Variants in C8B observed in about 807,000 individuals in gnomAD.
C8B encodes the protein complement component C8 beta chain.
Under a neutral mutation model 64.6 loss-of-function variants are expected in C8B, and 67 were observed. The ratio of observed to expected loss-of-function variants is 1.04; its 90% confidence interval spans 0.85 to 1.27. The LOEUF (loss-of-function observed/expected upper bound fraction) is 1.27, where lower values mean the gene tolerates loss of function less well. Among genes scored for constraint, C8B ranks in the 50% most tolerant of loss-of-function variants. The pLI is 0.00. For missense variants in C8B, 790 were observed against 725.2 expected (o/e 1.09, Z -1.03); for synonymous variants, 284 against 257.7 (o/e 1.10, Z -0.98).
At chr1:56,944,267 G>C (rs936686256) in intron 7 of C8B, among the ~76,000 whole-genome samples, 1 of 152,126 alleles carries the variant, frequency 6.6e-6, no homozygotes, top group African/African-American at 2.4e-5. Flanking sequence ...GTAAGGCATA[G>C]TATCTGGCAA....
chr1:56,956,766 T>C lies in C8B; in HGVS notation c.391+3A>G, dbSNP rs1436997097. On this transcript the variant is annotated splice_donor_region_variant and intron_variant, in intron 3 of 11. Transcript: ENST00000371237. ...CCCCTCTTACTCCTACATTGATTTATACCTGTCTGTGCACACACAAAGCCT... is the reference window on the plus strand; with the variant it reads ...CCCCTCTTACTCCTACATTGATTTACACCTGTCTGTGCACACACAAAGCCT... 2 of 1,613,918 alleles carry C rather than the reference T, an allele frequency of 1.2e-6. No homozygotes were observed. The highest frequency in any genetic ancestry group is 1.7e-5 in the Admixed American group (1 of 60,014).
intron 9 of C8B, among the ~76,000 whole-genome samples, chr1:56,934,953 T>C (rs1251407622): frequency 6.6e-6 from 1 of 152,152 alleles, no homozygotes; most frequent in Non-Finnish European, 1.5e-5. Context: ...GCAGAGGAAA[T>C]CAGAGGACAA....
At chr1:56,958,992 G>C (rs1557743073) in intron 2 of C8B, among the ~76,000 whole-genome samples, 1 of 152,180 alleles carries the variant, frequency 6.6e-6, no homozygotes, top group Non-Finnish European at 1.5e-5. Context: ...GCCCTCCTAT[G>C]ACCAAGGAGG....
In C8B at chr1:56,949,579, C is replaced by T. The variant is rs769763661; in HGVS notation, c.840G>A (p.Arg280=). The change falls in exon 6 of 12, where the codon AGG becomes AGA. Residue 280 remains arginine, a synonymous_variant. Transcript: ENST00000371237. ...SQSDRGKHYI[R]RTKRFSHTKS... is the part of the protein sequence containing the mutation. ...CAGTATGAGAGAATCGTTTGGTTCT[C>T]CTAATATAGTGTTTGCCTCGATCAC... is the stretch of plus-strand genomic sequence containing the variant. The T allele has an allele frequency of 6.2e-6, 10 of 1,613,828 alleles. No homozygotes were observed. In the East Asian group the frequency reaches 1.8e-4, roughly 29 times the overall value.
chr1:56,952,882 G>A (rs992016414), intron 4 of C8B, among the ~76,000 whole-genome samples: 4 of 152,160 alleles, frequency 2.6e-5, no homozygotes, highest in African/African-American at 7.2e-5. Context: ...AACACTACTT[G>A]GTCCGCGATA....
chr1:56,958,564 A>G (rs1336523523), intron 2 of C8B, among the ~76,000 whole-genome samples: 6 of 152,004 alleles, frequency 3.9e-5, no homozygotes, highest in Admixed American at 3.3e-4. Context: ...TAAGTGGTGC[A>G]GGAAATATAT....
At chr1:56,950,518 G>A (rs1052046824) in intron 5 of C8B, among the ~76,000 whole-genome samples, 4 of 152,154 alleles carry the variant, frequency 2.6e-5, no homozygotes, top group Non-Finnish European at 5.9e-5. Context: ...CCAGTCCTGA[G>A]TCATCTCCCT....
At position 56,954,784 on chromosome 1, in the gene C8B, G is replaced by C; in HGVS notation, c.435C>G (p.Asp145Glu). 3 of 1,614,124 alleles carry C rather than the reference G, an allele frequency of 1.9e-6. No individual in the cohort carries two copies. The highest frequency in any genetic ancestry group is 2.5e-6 in the Non-Finnish European group (3 of 1,180,006). ...NRRLLCNGDN[D>E]CGDQSDEANC... ...TTGCTTCATCTGACTGGTCTCCACA[G>C]TCATTGTCCCCATTGCAAAGAAGTC... Residue 145 changes from aspartate to glutamate, a missense_variant, in exon 4 of 12, where the codon GAC becomes GAG. By Grantham distance (45) the Asp-to-Glu change is conservative. Transcript: ENST00000371237.
Position 56,945,878 on chromosome 1 carries a change from G to C in C8B, c.1048C>G (p.Leu350Val). 6.2e-7 allele frequency: 1 copy of C among 1,614,092 alleles called. No homozygotes were observed. Among genetic ancestry groups the C allele is most frequent in the South Asian group, 1.1e-5 (1 of 91,076 alleles). The change falls in exon 7 of 12, where the codon CTT becomes GTT. Residue 350 changes from leucine to valine, a missense_variant. Transcript: ENST00000371237. ...AGGGTGTATTCATAAATGCCCCCAA[G>C]CACAGCCTCTGTGATGTAGTGGGTC... ...FGTHYITEAV[L>V]GGIYEYTLVM...
chr1:56,961,978 T>C (rs7512725), intron 1 of C8B, among the ~76,000 whole-genome samples: 193 of 152,350 alleles, frequency 1.3e-3, no homozygotes, highest in African/African-American at 4.5e-3. Context: ...CAATATTGTC[T>C]GTGATTTGGC....
intron 4 of C8B, 77 bp from the exon 5 acceptor site, chr1:56,952,257 C>T (rs183350202): frequency 1.2e-4 from 188 of 1,596,822 alleles, no homozygotes; most frequent in African/African-American, 7.5e-4. Context: ...CCCTACTGAA[C>T]GAAAACAAAA....
At chr1:56,932,326 T>C (rs1271618905) in intron 10 of C8B, among the ~76,000 whole-genome samples, 1 of 152,196 alleles carries the variant, frequency 6.6e-6, no homozygotes, top group African/African-American at 2.4e-5. Context: ...ATGCCCTATG[T>C]GAATTTGTAA....
In C8B at chr1:56,931,678, C is replaced by T. The variant is rs1260568062; in HGVS notation, c.1621+132G>A. On this transcript the variant is annotated intron_variant, in intron 11 of 11. Coordinates refer to ENST00000371237, the MANE Select transcript of C8B (RefSeq NM_000066.4). ...TAAATGATGGAGATGGAATTTCAAT[C>T]CAAGCTGAGTTTAAGCAGGATGGAT... 3 of 672,986 alleles carry T rather than the reference C, an allele frequency of 4.5e-6. No individual in the cohort carries two copies. The Admixed American group carries it at 6.2e-5, about 14-fold the overall frequency. The allele number at this position is 672,986 out of a possible 1,614,324, so 41.7% of individuals were successfully genotyped here. A position where few individuals can be genotyped will look rare whatever the true frequency, so the allele number is the denominator to read the frequency against.
chr1:56,949,744 G>C lies in C8B; in HGVS notation c.675C>G (p.Gly225=). Residue 225 remains glycine (G), a synonymous_variant, in exon 6 of 12, where the codon GGC becomes GGG. Transcript: ENST00000371237. ...NVESYTPQTQ[G]KYEFILKEYE... is the part of the protein sequence containing the mutation. The stretch of plus-strand genomic sequence containing the variant: ...ACTCTTTTAATATGAATTCGTATTT[G>C]CCTTGGGTCTAAAGAAGAAAAAAGA... 1 of 1,611,318 alleles carries C rather than the reference G, an allele frequency of 6.2e-7. No individual in the cohort carries two copies. Among genetic ancestry groups the C allele is most frequent in the Non-Finnish European group, 8.5e-7 (1 of 1,178,100 alleles).
At chr1:56,954,878 A>C (rs370546792) in intron 3 of C8B, 51 bp from the exon 4 acceptor site, 2 of 1,612,010 alleles carry the variant, frequency 1.2e-6, no homozygotes, top group African/African-American at 1.3e-5. Context: ...GCAAGAAAGG[A>C]ACTAACATAG....
intron 2 of C8B, chr1:56,959,692 A>T (rs757504684): frequency 4.7e-4 from 631 of 1,346,130 alleles, no homozygotes; most frequent in Middle Eastern, 6.1e-4. Context: ...ATGGTTTCCA[A>T]GTGGGCAAAG....
chr1:56,931,776 G>A, intron 11 of C8B, 34 bp downstream of exon 11: 1 of 1,446,760 alleles, frequency 6.9e-7, no homozygotes, highest in South Asian at 1.1e-5. Context: ...TTATTCTCTG[G>A]ACCTCCCCAG....
At chr1:56,957,318 C>T (rs1645117887) in intron 2 of C8B, among the ~76,000 whole-genome samples, 1 of 152,200 alleles carries the variant, frequency 6.6e-6, no homozygotes, top group Admixed American at 6.5e-5. Context: ...AATTACTCCA[C>T]TGGGTTGATT....
chr1:56,934,787 G>C (rs1314406286), intron 9 of C8B, among the ~76,000 whole-genome samples: 1 of 152,140 alleles, frequency 6.6e-6, no homozygotes, highest in African/African-American at 2.4e-5. Flanking sequence ...GGCCACACAA[G>C]GGGTGGGGGT....
Sources: gnomAD v4.1 joint callset for allele counts (sites outside exome capture counted in the v4.1 genomes callset) on GRCh38, gnomAD v4.1.1 for gene constraint, MANE v1.5 for transcripts, NCBI Gene and HGNC (gene_info 2026-07-23, HGNC 2026-07-21) for gene names.